KCNH8: variants seen among roughly 807,000 people sequenced by gnomAD.
KCNH8 encodes potassium voltage-gated channel subfamily H member 8.
Under a neutral mutation model 103.6 loss-of-function variants are expected in KCNH8, and 70 were observed. That is an observed-to-expected ratio of 0.68 (90% CI 0.56 to 0.82). The LOEUF is 0.82. Ranked by LOEUF, KCNH8 falls within the 40% of genes least tolerant of loss-of-function variation. KCNH8 has a pLI of 0.00. For synonymous variants in KCNH8, 498 were observed against 489.4 expected (o/e 1.02, Z -0.23); for missense variants, 1,217 against 1,329.9 (o/e 0.92, Z 1.32).
At chr3:19,241,088 T>G (rs11919461) in intron 1 of KCNH8, among the ~76,000 whole-genome samples, 9,135 of 152,256 alleles carry the variant, frequency 0.06, 895 homozygotes, top group African/African-American at 0.2. Flanking sequence ...ACCTCTGCTG[T>G]ATCTTAATAT....
intron 4 of KCNH8, among the ~76,000 whole-genome samples, chr3:19,343,179 C>T (rs1168461580): frequency 1.3e-5 from 2 of 152,036 alleles, no homozygotes; most frequent in African/African-American, 2.4e-5. Context: ...AAAAAACTTA[C>T]ATTTTATATA....
intron 1 of KCNH8, among the ~76,000 whole-genome samples, chr3:19,150,235 C>G (rs1292212688): frequency 6.6e-6 from 1 of 152,126 alleles, no homozygotes; most frequent in Non-Finnish European, 1.5e-5. Context: ...ATTGCCACTA[C>G]CACACCACTG....
At chr3:19,526,306 A>AT (rs971710902) in intron 15 of KCNH8, among the ~76,000 whole-genome samples, 10 of 152,032 alleles carry the variant, frequency 6.6e-5, no homozygotes, top group Admixed American at 1.3e-4. Context: ...TGGAAACCAC[A>AT]TTTTTTCTCT....
chr3:19,176,869 G>C (rs1170543870), intron 1 of KCNH8, among the ~76,000 whole-genome samples: 2 of 152,120 alleles, frequency 1.3e-5, no homozygotes, highest in Non-Finnish European at 2.9e-5. Context: ...TTAAGTTCTT[G>C]TGAGCCTCTG....
At chr3:19,327,726 T>C (rs1285340318) in intron 3 of KCNH8, among the ~76,000 whole-genome samples, 3 of 152,188 alleles carry the variant, frequency 2.0e-5, no homozygotes, top group Admixed American at 1.3e-4. Flanking sequence ...AAGGAGTGAG[T>C]GTTGTCATCA....
chr3:19,152,694 G>A (rs972198009), intron 1 of KCNH8, among the ~76,000 whole-genome samples: 3 of 152,242 alleles, frequency 2.0e-5, no homozygotes, highest in Non-Finnish European at 2.9e-5. Flanking sequence ...CCAGCACTTT[G>A]GGAGGCTGAG....
Position 19,533,987 on chromosome 3 carries a change from C to A in KCNH8, c.3212C>A (p.Ser1071Tyr). 6.2e-7 allele frequency: 1 copy of A among 1,614,128 alleles called. No homozygotes were observed. Among genetic ancestry groups the A allele is most frequent in the Admixed American group, 1.7e-5 (1 of 60,024 alleles). Residue 1071 changes from serine to tyrosine, a missense_variant, in exon 16 of 16, where the codon TCT becomes TAT. Physicochemically the swap from Ser to Tyr is moderately radical, Grantham distance 144. This residue lies in a region of KCNH8 where 558 missense variants were observed against 495.8 expected (regional missense o/e 1.13). Coordinates refer to ENST00000328405, the MANE Select transcript of KCNH8 (RefSeq NM_144633.3). Reference sequence around the variant, plus strand: ...TTCAGTCTGGAAAACTTACCAGGATCTTGGAACCAGGAAGGAATGGCATCA... The same window carrying A: ...TTCAGTCTGGAAAACTTACCAGGATATTGGAACCAGGAAGGAATGGCATCA... ...SSFSLENLPG[S>Y]WNQEGMASAS...
intron 11 of KCNH8, among the ~76,000 whole-genome samples, chr3:19,484,279 T>A (rs985370417): frequency 6.6e-6 from 1 of 152,220 alleles, no homozygotes; most frequent in Non-Finnish European, 1.5e-5. Flanking sequence ...TATATAAACA[T>A]GCTCCTTTTA....
chr3:19,175,283 G>A (rs371448910), intron 1 of KCNH8, among the ~76,000 whole-genome samples: 17 of 149,312 alleles, frequency 1.1e-4, no homozygotes, highest in African/African-American at 4.0e-4. Context: ...GTGCAGTGGC[G>A]CGATCTCGGC....
intron 1 of KCNH8, among the ~76,000 whole-genome samples, chr3:19,220,224 A>G (rs534324783): frequency 6.6e-6 from 1 of 152,210 alleles, no homozygotes; most frequent in African/African-American, 2.4e-5. Flanking sequence ...GATGCTATAT[A>G]TGGAAAATGC....
At chr3:19,385,309 G>C (rs2066341747) in intron 5 of KCNH8, among the ~76,000 whole-genome samples, 2 of 151,958 alleles carry the variant, frequency 1.3e-5, no homozygotes, top group Admixed American at 1.3e-4. Flanking sequence ...ACCCCCAAAA[G>C]ATGTACATTG....
intron 8 of KCNH8, among the ~76,000 whole-genome samples, chr3:19,439,983 A>AAGGC (rs374398402): frequency 2.0e-5 from 3 of 152,000 alleles, no homozygotes; most frequent in African/African-American, 4.8e-5. Flanking sequence ...TAAAGGATGG[A>AAGGC]AGGCAGGCAG....
At chr3:19,361,423 C>T (rs2065945663) in intron 5 of KCNH8, among the ~76,000 whole-genome samples, 2 of 152,070 alleles carry the variant, frequency 1.3e-5, no homozygotes, top group Admixed American at 1.3e-4. Flanking sequence ...GTAATGTTCC[C>T]AATCATTATA....
intron 11 of KCNH8, among the ~76,000 whole-genome samples, chr3:19,460,491 T>C (rs2067605614): frequency 6.6e-6 from 1 of 152,170 alleles, no homozygotes; most frequent in Non-Finnish European, 1.5e-5. Flanking sequence ...AAATCCCTTA[T>C]GCTTTGGTTT....
intron 3 of KCNH8, among the ~76,000 whole-genome samples, chr3:19,317,273 T>C (rs2065286475): frequency 6.6e-6 from 1 of 151,972 alleles, no homozygotes; most frequent in South Asian, 2.1e-4. Flanking sequence ...CGTTTTTAAA[T>C]TAATTTTCAC....
chr3:19,175,829 C>G (rs1399982767), intron 1 of KCNH8, among the ~76,000 whole-genome samples: 2 of 152,134 alleles, frequency 1.3e-5, no homozygotes, highest in South Asian at 4.2e-4. Flanking sequence ...ACTGGGTATC[C>G]TAATACTGTC....
chr3:19,157,327 A>C (rs1346068074), intron 1 of KCNH8, among the ~76,000 whole-genome samples: 1 of 152,100 alleles, frequency 6.6e-6, no homozygotes, highest in Non-Finnish European at 1.5e-5. Context: ...TTGATGAGTT[A>C]TGGAAAAGAA....
chr3:19,290,546 C>T (rs1159751412), intron 3 of KCNH8, among the ~76,000 whole-genome samples: 1 of 152,136 alleles, frequency 6.6e-6, no homozygotes, highest in Non-Finnish European at 1.5e-5. Context: ...TGCTGGATTA[C>T]ATTTATTGAT....
chr3:19,190,569 T>G (rs1233244007), intron 1 of KCNH8, among the ~76,000 whole-genome samples: 1 of 152,008 alleles, frequency 6.6e-6, no homozygotes, highest in Non-Finnish European at 1.5e-5. Context: ...TTTCCTGTAG[T>G]AGCTTTGTGG....
Sources: allele counts gnomAD v4.1 joint callset (sites outside exome capture counted in the v4.1 genomes callset), GRCh38; gene constraint gnomAD v4.1.1; regional missense constraint gnomAD v4.1.1; transcripts MANE v1.5; gene names NCBI Gene and HGNC (gene_info 2026-07-23, HGNC 2026-07-21).